DLGAP5: variants seen among roughly 807,000 people sequenced by gnomAD.
DLGAP5 encodes disks large-associated protein 5.
In DLGAP5, 90 loss-of-function variants were observed where a neutral mutation model predicts 99.6. The ratio of observed to expected loss-of-function variants is 0.90; its 90% CI spans 0.76 to 1.08. The LOEUF is 1.08. Among genes scored for constraint, DLGAP5 ranks in the 50% least tolerant of loss-of-function variants. DLGAP5 has a pLI of 0.00. For synonymous variants in DLGAP5, 311 were observed against 321.3 expected (o/e 0.97, Z 0.34); for missense variants, 1,036 against 983.5 (o/e 1.05, Z -0.71).
intron 15 of DLGAP5, among the ~76,000 whole-genome samples, 163 bp from the exon 16 acceptor site, chr14:55,152,810 T>C (rs755760922): frequency 4.6e-5 from 7 of 152,242 alleles, no homozygotes; most frequent in African/African-American, 7.2e-5. Flanking sequence ...TTTTGGACTA[T>C]AGCTACTGCA....
Position 55,169,840 on chromosome 14 carries a change from T to TGGTGGCTCATGCCTGCGGGCGC in DLGAP5, c.1388-303_1388-282dup, listed in dbSNP as rs1311028972. Among the ~76,000 whole-genome samples, 6 of 152,262 alleles carry TGGTGGCTCATGCCTGCGGGCGC rather than the reference T, an allele frequency of 3.9e-5. No homozygotes were observed. The East Asian group carries it at 5.8e-4, about 15-fold the overall frequency. On this transcript the variant is annotated intron_variant, in intron 11 of 18. Coordinates refer to ENST00000247191, the MANE Select transcript of DLGAP5 (RefSeq NM_014750.5). ...TATAAGAACTCAACGTCAGCCGGTG[T>TGGTGGCTCATGCCTGCGGGCGC]GGTGGCTCATGCCTGCGGGCGCGGT...
In DLGAP5 at chr14:55,180,912, T is replaced by C; in HGVS notation, c.581-134A>G. ...CAGGAGGATTACTTCAGCCCAGGAG[T>C]TCGAAACCAGCCTAGGCAACATAGT... is the stretch of plus-strand genomic sequence containing the variant. On this transcript the variant is annotated intron_variant, in intron 5 of 18. Transcript: ENST00000247191. The C allele has an allele frequency of 4.4e-6, 5 of 1,139,984 alleles. No homozygotes were observed. The South Asian group carries it at 7.2e-5, about 16-fold the overall frequency. 70.6% of individuals were successfully genotyped at this position (1,139,984 alleles called of 1,614,324 possible).
chr14:55,174,959 G>A (rs1305332452), intron 10 of DLGAP5, among the ~76,000 whole-genome samples: 1 of 152,144 alleles, frequency 6.6e-6, no homozygotes, highest in Non-Finnish European at 1.5e-5. Context: ...AAAGTGCTGG[G>A]ATTACAGGCG....
intron 7 of DLGAP5, 55 bp from the exon 8 acceptor site, chr14:55,177,391 C>G: frequency 6.7e-7 from 1 of 1,483,430 alleles, no homozygotes; most frequent in Non-Finnish European, 9.0e-7. Flanking sequence ...AGGATATATT[C>G]AACCAATTTT....
intron 14 of DLGAP5, among the ~76,000 whole-genome samples, chr14:55,157,170 T>C (rs1308129460): frequency 6.6e-6 from 1 of 152,238 alleles, no homozygotes; most frequent in Non-Finnish European, 1.5e-5. Flanking sequence ...ATATCAACTA[T>C]GTGCTCTGTA....
In DLGAP5 at chr14:55,189,063, G is replaced by A. The variant is rs779499367; in HGVS notation, c.117C>T (p.Tyr39=). ...LSQKENRHKE[Y]ERNRHFGLKD... ...TCAAACCAAAGTGTCTATTTCGTTC[G>A]TATTCCTTATGTCTATTTTCTTTCT... The change falls in exon 2 of 19, where the codon TAC becomes TAT. Residue 39 remains tyrosine, a synonymous_variant. Coordinates refer to ENST00000247191, the MANE Select transcript of DLGAP5 (RefSeq NM_014750.5). 11 of 1,613,610 alleles carry A rather than the reference G, an allele frequency of 6.8e-6. No homozygotes were observed. Among genetic ancestry groups the A allele is most frequent in the South Asian group, 1.1e-5 (1 of 91,070 alleles).
chr14:55,169,443 T>C lies in DLGAP5; in HGVS notation c.1504A>G (p.Thr502Ala). 2 of 1,610,274 alleles carry C rather than the reference T, an allele frequency of 1.2e-6. No homozygotes were observed. The highest frequency in any genetic ancestry group is 8.5e-7 in the Non-Finnish European group (1 of 1,178,790). ...CEYKRGIKET[T>A]CTDLDGFWDM... Reference sequence around the variant, plus strand: ...CAAAATCCATCCAGATCTGTACAGGTAGTCTCCTTTATACCTCGTTTATAT... The same window carrying C: ...CAAAATCCATCCAGATCTGTACAGGCAGTCTCCTTTATACCTCGTTTATAT... Residue 502 changes from threonine to alanine, a missense_variant, in exon 12 of 19, where the codon ACC (threonine) becomes GCC (alanine). Thr to Ala is a moderately conservative substitution (Grantham distance 58, BLOSUM62 0). Transcript: ENST00000247191.
chr14:55,186,717 G>C (rs1883448114), intron 2 of DLGAP5, among the ~76,000 whole-genome samples: 1 of 152,098 alleles, frequency 6.6e-6, no homozygotes, highest in African/African-American at 2.4e-5. Context: ...AACTATTCAA[G>C]ATCACCAGTG....
intron 5 of DLGAP5, 123 bp from the exon 6 acceptor site, chr14:55,180,901 C>T: frequency 1.5e-6 from 2 of 1,301,730 alleles, no homozygotes; most frequent in African/African-American, 1.5e-5. Flanking sequence ...AGGATTACTT[C>T]AGCCCAGGAG....
intron 15 of DLGAP5, 123 bp downstream of exon 15, chr14:55,154,494 G>A (rs1176559327): frequency 6.4e-6 from 5 of 783,920 alleles, no homozygotes; most frequent in Admixed American, 5.1e-5. Flanking sequence ...CTGCCTATAT[G>A]TTGCAGGGTC....
Position 55,163,001 on chromosome 14 carries a change from C to A in DLGAP5, c.1623G>T (p.Met541Ile). Reference sequence around the variant, plus strand: ...AGACATTTTTGTTCATATTATGATTCATATTATTATTGACTTGCCACCCAG... The same window carrying A: ...AGACATTTTTGTTCATATTATGATTAATATTATTATTGACTTGCCACCCAG... Reference protein sequence around the residue: ...EESGWQVNNNMNHNMNKNVFR... With the variant: ...EESGWQVNNNINHNMNKNVFR... Residue 541 changes from methionine to isoleucine, a missense_variant, in exon 13 of 19, where the codon ATG (methionine) becomes ATT (isoleucine). Physicochemically the swap from Met to Ile is conservative, Grantham distance 10. Transcript: ENST00000247191. 1 of 1,595,604 alleles carries A rather than the reference C, an allele frequency of 6.3e-7. No individual in the cohort carries two copies. The highest frequency in any genetic ancestry group is 1.1e-5 in the South Asian group (1 of 87,158).
chr14:55,166,869 C>G (rs188717529), intron 12 of DLGAP5, among the ~76,000 whole-genome samples: 10 of 149,828 alleles, frequency 6.7e-5, no homozygotes, highest in Admixed American at 4.0e-4. Context: ...TCATATAGCT[C>G]TTTTGTGTTT....
chr14:55,158,427 A>G (rs1480692170), intron 14 of DLGAP5, 95 bp downstream of exon 14: 4 of 1,035,114 alleles, frequency 3.9e-6, no homozygotes, highest in Non-Finnish European at 5.5e-6. Context: ...GTAAAAAACT[A>G]TTTTTCACCT....
At chr14:55,190,799 TGTC>T (rs1883589195) in intron 1 of DLGAP5, among the ~76,000 whole-genome samples, 1 of 152,226 alleles carries the variant, frequency 6.6e-6, no homozygotes, top group Non-Finnish European at 1.5e-5. Context: ...CATAAAGAAC[TGTC>T]TTCTACTATT....
At chr14:55,185,375 A>G (rs1468553302) in intron 2 of DLGAP5, among the ~76,000 whole-genome samples, 1 of 151,528 alleles carries the variant, frequency 6.6e-6, no homozygotes. Context: ...AATTTTTTGC[A>G]TTTTTAGTAG....
In DLGAP5 at chr14:55,182,329, A is replaced by G. The variant is rs367776932; in HGVS notation, c.495+41T>C. ...ATGAATTTACTTACTAAAAAAGTGC[A>G]ATTTATCATTTTAGTAACAATTATC... On this transcript the variant is annotated intron_variant, in intron 4 of 18. Transcript: ENST00000247191. The G allele has an allele frequency of 3.0e-5, 46 of 1,533,678 alleles. No homozygotes were observed. In the African/African-American group the frequency reaches 6.2e-4, roughly 21 times the overall value.
At chr14:55,153,540 CAA>C (rs34557020) in intron 15 of DLGAP5, among the ~76,000 whole-genome samples, 1,704 of 135,012 alleles carry the variant, frequency 0.013, 33 homozygotes, top group African/African-American at 0.041. Context: ...CACTCCGTCT[CAA>C]AAAAAAAAAA....
intron 15 of DLGAP5, among the ~76,000 whole-genome samples, chr14:55,153,723 G>C (rs1288027897): frequency 6.6e-6 from 1 of 152,008 alleles, no homozygotes; most frequent in African/African-American, 2.4e-5. Flanking sequence ...TGACTCAAAT[G>C]CAATTATGAA....
At chr14:55,158,435 C>A in intron 14 of DLGAP5, 87 bp downstream of exon 14, 2 of 1,122,006 alleles carry the variant, frequency 1.8e-6, no homozygotes, top group Non-Finnish European at 1.3e-6. Flanking sequence ...CTATTTTTCA[C>A]CTTACACAAG....
Sources: allele counts gnomAD v4.1 joint callset (sites outside exome capture counted in the v4.1 genomes callset), GRCh38; gene constraint gnomAD v4.1.1; transcripts MANE v1.5; gene names NCBI Gene and HGNC (gene_info 2026-07-23, HGNC 2026-07-21).